Variants in NPR2 observed in about 807,000 individuals in gnomAD.
The protein encoded by NPR2 is atrial natriuretic peptide receptor 2.
A neutral mutation model predicts 120.7 loss-of-function variants in NPR2; 49 were observed. The observed-to-expected ratio is 0.41, with a 90% CI of 0.32 to 0.52. The LOEUF is 0.52. Ranked by LOEUF, NPR2 falls within the 20% of genes least tolerant of loss-of-function variation. The probability of loss-of-function intolerance (pLI) is 0.36; values close to 1 mark genes in which losing one functional copy is unlikely to be tolerated. For missense variants in NPR2, 931 were observed against 1,362.9 expected (o/e 0.68, Z 4.99); for synonymous variants, 484 against 519.8 (o/e 0.93, Z 0.94).
At chr9:35,801,563 GA>G in intron 7 of NPR2, 79 bp from the exon 8 acceptor site, 1 of 1,515,982 alleles carries the variant, frequency 6.6e-7, no homozygotes, top group Non-Finnish European at 9.2e-7. Flanking sequence ...GAGCTGCAGG[GA>G]AGCCCCTGCA....
chr9:35,804,793 T>C lies in NPR2; in HGVS notation c.1888-718T>C, dbSNP rs12553111. On this transcript the variant is annotated intron_variant, in intron 12 of 21. Transcript: ENST00000342694. ...CACCTCCCTCTAGTAGATCTTGTTCTTCCTCTACCCCGACCTGCCCACCTC... is the reference window on the plus strand; with the variant it reads ...CACCTCCCTCTAGTAGATCTTGTTCCTCCTCTACCCCGACCTGCCCACCTC... Among the ~76,000 whole-genome samples the C allele has an allele frequency of 7.9e-3, 864 of 109,166 alleles. 5 individuals carry two copies. Among genetic ancestry groups the C allele is most frequent in the African/African-American group, 0.01 (287 of 28,078 alleles). The allele number at this position is 109,166 out of a possible 152,430, so 71.6% of individuals were successfully genotyped here. A position where few individuals can be genotyped will look rare whatever the true frequency, so the allele number is the denominator to read the frequency against.
At chr9:35,794,198 C>A (rs571491283) in intron 2 of NPR2, 95 bp downstream of exon 2, 2 of 1,214,952 alleles carry the variant, frequency 1.6e-6, no homozygotes, top group East Asian at 2.5e-5. Flanking sequence ...AGGAACCAGG[C>A]AGGAATTGTG....
At position 35,800,590 on chromosome 9, in the gene NPR2, T is replaced by C; in HGVS notation, c.1218+107T>C. The C allele has an allele frequency of 6.3e-7, 1 of 1,582,980 alleles. No individual in the cohort carries two copies. The highest frequency in any genetic ancestry group is 1.1e-5 in the South Asian group (1 of 90,254). On this transcript the variant is annotated intron_variant, in intron 5 of 21. Coordinates refer to ENST00000342694, the MANE Select transcript of NPR2 (RefSeq NM_003995.4). This position sits in a 1 kb window ranked among gnomAD's most constrained non-coding sequence, Gnocchi z 4.7. Reference sequence around the variant, plus strand: ...TACTAGATGAGGGATTTGTTTTCTCTGCTGGCACTGCATCCTGGCTGGGTG... The same window carrying C: ...TACTAGATGAGGGATTTGTTTTCTCCGCTGGCACTGCATCCTGGCTGGGTG...
At position 35,802,707 on chromosome 9, in the gene NPR2, C is replaced by T. The variant is rs781782209; in HGVS notation, c.1816-25C>T. 1.3e-6 allele frequency: 2 copies of T among 1,574,468 alleles called. No homozygotes were observed. The highest frequency in any genetic ancestry group is 4.5e-5 in the East Asian group (2 of 44,704). On this transcript the variant is annotated intron_variant, in intron 11 of 21. Transcript: ENST00000342694. This position sits in a 1 kb window ranked among gnomAD's most constrained non-coding sequence, Gnocchi z 4.2. ...TGATAGCTGGTGGGACCAGGACAGACAGTCTATTCCATGTCACTTACCAGG... is the reference window on the plus strand; with the variant it reads ...TGATAGCTGGTGGGACCAGGACAGATAGTCTATTCCATGTCACTTACCAGG...
chr9:35,801,195 T>C, intron 7 of NPR2, 41 bp downstream of exon 7: 1 of 1,447,474 alleles, frequency 6.9e-7, no homozygotes, highest in Non-Finnish European at 9.7e-7. Flanking sequence ...CCTGCCCCCA[T>C]TGCCACACAA....
chr9:35,799,983 A>C lies in NPR2; in HGVS notation c.988-39A>C, dbSNP rs758072795. The C allele has an allele frequency of 1.6e-5, 25 of 1,612,904 alleles. No individual in the cohort carries two copies. The South Asian group carries it at 2.5e-4, about 16-fold the overall frequency. ...CCAGAGAGAGGGGAAGGGGCCTTGC[A>C]GGACATTTGGAGAGTACTGCTGAAG... On this transcript the variant is annotated intron_variant, in intron 3 of 21. Coordinates refer to ENST00000342694, the MANE Select transcript of NPR2 (RefSeq NM_003995.4).
At chr9:35,804,219 G>A (rs759016010) in intron 12 of NPR2, among the ~76,000 whole-genome samples, 1 of 145,912 alleles carries the variant, frequency 6.9e-6, no homozygotes, top group Non-Finnish European at 1.5e-5. Context: ...CATTTTTGGG[G>A]AGCATCATTA....
chr9:35,804,099 G>A (rs1410181729), intron 12 of NPR2, among the ~76,000 whole-genome samples: 1 of 152,214 alleles, frequency 6.6e-6, no homozygotes, highest in Non-Finnish European at 1.5e-5. Flanking sequence ...TTAGAGTTAT[G>A]AATTAAGTCC....
Position 35,808,293 on chromosome 9 carries a change from G to A in NPR2, c.2713-216G>A, listed in dbSNP as rs779015209. 1 of 1,609,226 alleles carries A rather than the reference G, an allele frequency of 6.2e-7. No individual in the cohort carries two copies. The highest frequency in any genetic ancestry group is 8.5e-7 in the Non-Finnish European group (1 of 1,175,478). ...CATTCATTCCGCAAATGTTTACTGA[G>A]TATTCACCAGGTGCTGGGTGGAGAA... On this transcript the variant is annotated intron_variant, in intron 18 of 21. Coordinates refer to ENST00000342694, the MANE Select transcript of NPR2 (RefSeq NM_003995.4). The surrounding 1 kb of genome is among the most constrained non-coding windows in gnomAD (Gnocchi z 4.0).
chr9:35,792,901 C>T lies in NPR2; in HGVS notation c.493C>T (p.Arg165Cys), dbSNP rs995457759. 7.4e-6 allele frequency: 12 copies of T among 1,613,984 alleles called. No homozygotes were observed. The highest frequency in any genetic ancestry group is 1.7e-5 in the Admixed American group (1 of 60,008). The change falls in exon 1 of 22, where the codon CGT becomes TGT. Residue 165 changes from arginine to cysteine, a missense_variant. Transcript: ENST00000342694. ...TLHGHFNWTA[R>C]AALLYLDART... ...ACACGGGCACTTCAATTGGACTGCC[C>T]GTGCTGCCTTGCTGTACCTGGATGC...
chr9:35,796,732 G>A (rs1439304445), intron 2 of NPR2, among the ~76,000 whole-genome samples: 12 of 152,208 alleles, frequency 7.9e-5, no homozygotes, highest in Non-Finnish European at 1.6e-4. Flanking sequence ...GGAAGGTCAA[G>A]GCTTTGGGTA....
chr9:35,794,483 A>T (rs771993250), intron 2 of NPR2, among the ~76,000 whole-genome samples: 1 of 152,154 alleles, frequency 6.6e-6, no homozygotes, highest in Non-Finnish European at 1.5e-5. Flanking sequence ...TTGAGAAAGG[A>T]TATGATTATG....
Position 35,800,012 on chromosome 9 carries a change from C to T in NPR2, c.988-10C>T. ...CATTTGGAGAGTACTGCTGAAGTTG[C>T]CACCCCCAGATGAACCTCATCGCTG... On this transcript the variant is annotated splice_polypyrimidine_tract_variant and intron_variant, in intron 3 of 21. Transcript: ENST00000342694. The surrounding 1 kb of genome is among the most constrained non-coding windows in gnomAD (Gnocchi z 4.7). 6.2e-7 allele frequency: 1 copy of T among 1,613,586 alleles called. No homozygotes were observed. Among genetic ancestry groups the T allele is most frequent in the Non-Finnish European group, 8.5e-7 (1 of 1,179,962 alleles).
Position 35,794,059 on chromosome 9 carries a change from A to C in NPR2, c.829A>C (p.Asn277His). 3.1e-6 allele frequency: 5 copies of C among 1,614,202 alleles called. No homozygotes were observed. Among genetic ancestry groups the C allele is most frequent in the Non-Finnish European group, 4.2e-6 (5 of 1,180,028 alleles). Residue 277 changes from asparagine to histidine, a missense_variant, in exon 2 of 22, where the codon AAT becomes CAT. By Grantham distance (68) the Asn-to-His change is moderately conservative. Transcript: ENST00000342694. ...TRATGRPWQDNRTREQAQALR... is the reference protein window; with the variant it reads ...TRATGRPWQDHRTREQAQALR... ...TGCTACAGGCCGGCCCTGGCAGGAC[A>C]ATCGCACCCGGGAACAGGCCCAGGC...
Position 35,809,090 on chromosome 9 carries a change from C to T in NPR2, c.2987-66C>T. On this transcript the variant is annotated intron_variant, in intron 20 of 21. Transcript: ENST00000342694. The surrounding 1 kb of genome is among the most constrained non-coding windows in gnomAD (Gnocchi z 4.1). The stretch of plus-strand genomic sequence containing the variant: ...TCGGGCACGGTGCTATACAGTATCA[C>T]CAATTATTTGATTGCCTTTTCTTTG... 1 of 1,435,058 alleles carries T rather than the reference C, an allele frequency of 7.0e-7. No homozygotes were observed. The highest frequency in any genetic ancestry group is 9.8e-7 in the Non-Finnish European group (1 of 1,018,320). 88.9% of individuals were successfully genotyped at this position (1,435,058 alleles called of 1,614,324 possible). A position where few individuals can be genotyped will look rare whatever the true frequency, so the allele number is the denominator to read the frequency against.
chr9:35,802,378 T>C lies in NPR2; in HGVS notation c.1710+95T>C, dbSNP rs1828203377. 2 of 982,400 alleles carry C rather than the reference T, an allele frequency of 2.0e-6. No homozygotes were observed. The highest frequency in any genetic ancestry group is 2.4e-5 in the East Asian group (1 of 42,058). The allele number at this position is 982,400 out of a possible 1,614,324, so 60.9% of individuals were successfully genotyped here. A position where few individuals can be genotyped will look rare whatever the true frequency, so the allele number is the denominator to read the frequency against. On this transcript the variant is annotated intron_variant, in intron 10 of 21. Transcript: ENST00000342694. The surrounding 1 kb of genome is among the most constrained non-coding windows in gnomAD (Gnocchi z 4.2). ...TTGGCTAGATGGGCAAGGGGTTGAT[T>C]TATAAATGATTTTAAAATCGTAGAT...
intron 2 of NPR2, among the ~76,000 whole-genome samples, chr9:35,797,126 A>G (rs1827969045): frequency 6.6e-6 from 1 of 152,184 alleles, no homozygotes; most frequent in Non-Finnish European, 1.5e-5. Flanking sequence ...CATATTCCAT[A>G]TGTCTAGCAT....
At position 35,799,600 on chromosome 9, in the gene NPR2, C is replaced by A; in HGVS notation, c.874-18C>A. ...ATCTTGAATCCTGTTCACTCTTCCC[C>A]ATATGCTGCTGGTACAGACTGTATT... is the stretch of plus-strand genomic sequence containing the variant. On this transcript the variant is annotated intron_variant, in intron 2 of 21. Transcript: ENST00000342694. The A allele has an allele frequency of 6.5e-7, 1 of 1,548,740 alleles. No homozygotes were observed. The highest frequency in any genetic ancestry group is 8.9e-7 in the Non-Finnish European group (1 of 1,120,466).
chr9:35,800,254 G>A lies in NPR2; in HGVS notation c.1123+97G>A, dbSNP rs1185095903. ...GTCAGGATCACCACAGCTTTAGTGG[G>A]GGTTAGTGAATATGGCAGAGTTGCC... On this transcript the variant is annotated intron_variant, in intron 4 of 21. Coordinates refer to ENST00000342694, the MANE Select transcript of NPR2 (RefSeq NM_003995.4). The surrounding 1 kb of genome is among the most constrained non-coding windows in gnomAD (Gnocchi z 4.7). 1.4e-6 allele frequency: 2 copies of A among 1,421,062 alleles called. No individual in the cohort carries two copies. Among genetic ancestry groups the A allele is most frequent in the Non-Finnish European group, 2.0e-6 (2 of 1,004,150 alleles). The allele number at this position is 1,421,062 out of a possible 1,614,324, so 88.0% of individuals were successfully genotyped here. A position where few individuals can be genotyped will look rare whatever the true frequency, so the allele number is the denominator to read the frequency against.
Sources: gnomAD v4.1 joint callset for allele counts (sites outside exome capture counted in the v4.1 genomes callset) on GRCh38, gnomAD v4.1.1 for gene constraint, Gnocchi (gnomAD v3.1) non-coding constraint, MANE v1.5 for transcripts, NCBI Gene and HGNC (gene_info 2026-07-23, HGNC 2026-07-21) for gene names.